Variants in NEGR1 observed in about 807,000 individuals in gnomAD.
NEGR1 encodes IgLON family member 4.
NEGR1 carries 10 observed loss-of-function variants against 40.9 expected under a neutral mutation model. The observed-to-expected ratio is 0.24, with a 90% CI of 0.15 to 0.42. The LOEUF (loss-of-function observed/expected upper bound fraction) is 0.42. Among genes scored for constraint, NEGR1 ranks in the 10% least tolerant of loss-of-function variants. The probability of loss-of-function intolerance (pLI) is 1.00; values close to 1 mark genes in which losing one functional copy is unlikely to be tolerated. For synonymous variants in NEGR1, 185 were observed against 166.8 expected, an observed-to-expected ratio of 1.11 and a Z score of -0.84; for missense variants, 352 against 438.9, an observed-to-expected ratio of 0.80 and a Z score of 1.77.
intron 1 of NEGR1, among the ~76,000 whole-genome samples, chr1:72,044,520 T>A (rs757012498): frequency 6.6e-6 from 1 of 151,486 alleles, no homozygotes; most frequent in Non-Finnish European, 1.5e-5. Context: ...AAATGCAGAG[T>A]TTCATATATA....
At chr1:71,643,626 C>T (rs1365606001) in intron 4 of NEGR1, among the ~76,000 whole-genome samples, 1 of 152,008 alleles carries the variant, frequency 6.6e-6, no homozygotes, top group Non-Finnish European at 1.5e-5. Context: ...TTAAAATTTT[C>T]ACCATTCCAA....
chr1:71,730,569 T>TTATATATATA (rs56382019), intron 3 of NEGR1, among the ~76,000 whole-genome samples: 6,092 of 134,474 alleles, frequency 0.045, 202 homozygotes, highest in East Asian at 0.099. Context: ...TAGTATAAAT[T>TTATATATATA]TATATATATA....
chr1:71,808,660 A>T (rs1431335277), intron 2 of NEGR1, among the ~76,000 whole-genome samples: 1 of 152,196 alleles, frequency 6.6e-6, no homozygotes, highest in East Asian at 1.9e-4. Flanking sequence ...CTAGTTCTGA[A>T]AGCAGTAACA....
At position 71,935,171 on chromosome 1, in the gene NEGR1, T is replaced by C; in HGVS notation, c.317A>G (p.Gln106Arg). ...GCCATCATCTGTCACATCTACATTC[T>C]GTATCTGGAGGCTGTAGTCCCTTTT... ...LNKRDYSLQI[Q>R]NVDVTDDGPY... The change falls in exon 2 of 7, where the codon CAG (glutamine) becomes CGG (arginine). Residue 106 changes from glutamine (Q) to arginine (R), a missense_variant. By Grantham distance (43) the Gln-to-Arg change is conservative. Coordinates refer to ENST00000357731, the MANE Select transcript of NEGR1 (RefSeq NM_173808.3). 2 of 1,613,886 alleles carry C rather than the reference T, an allele frequency of 1.2e-6. No homozygotes were observed. The highest frequency in any genetic ancestry group is 1.7e-6 in the Non-Finnish European group (2 of 1,179,812).
At position 71,881,847 on chromosome 1, in the gene NEGR1, A is replaced by G. The variant is rs566866527; in HGVS notation, c.409+53232T>C. 3.9e-5 allele frequency among the ~76,000 whole-genome samples: 6 copies of G among 152,198 alleles called. No homozygotes were observed. In the East Asian group the frequency reaches 1.2e-3, roughly 29 times the overall value. On this transcript the variant is annotated intron_variant, in intron 2 of 6. Coordinates refer to ENST00000357731, the MANE Select transcript of NEGR1 (RefSeq NM_173808.3). ...GCTTTTTGCTTGTGGTTTTAAGGGT[A>G]TGCACTTAATCTTGCTATTTCAGCT...
intron 6 of NEGR1, among the ~76,000 whole-genome samples, chr1:71,590,850 T>C (rs1218905735): frequency 1.3e-5 from 2 of 152,206 alleles, no homozygotes; most frequent in African/African-American, 4.8e-5. Context: ...TATTCATTAA[T>C]CCATCCATTC....
chr1:72,205,682 C>T (rs1653368588), intron 1 of NEGR1, among the ~76,000 whole-genome samples: 1 of 138,672 alleles, frequency 7.2e-6, no homozygotes, highest in Admixed American at 8.3e-5. Flanking sequence ...ACTGGGAGGC[C>T]GAGGAGTGTG....
chr1:72,124,258 T>C (rs12072387), intron 1 of NEGR1, among the ~76,000 whole-genome samples: 5,253 of 151,954 alleles, frequency 0.035, 325 homozygotes, highest in African/African-American at 0.12. Flanking sequence ...TATATTTAAG[T>C]AAATACAGTG....
At chr1:71,512,382 A>C (rs1326135306) in intron 6 of NEGR1, among the ~76,000 whole-genome samples, 2 of 152,190 alleles carry the variant, frequency 1.3e-5, no homozygotes, top group Admixed American at 6.5e-5. Context: ...AAGGAAAAAG[A>C]ATCTGTACTC....
intron 2 of NEGR1, among the ~76,000 whole-genome samples, chr1:71,874,638 T>C (rs1468041801): frequency 6.6e-6 from 1 of 152,158 alleles, no homozygotes; most frequent in African/African-American, 2.4e-5. Flanking sequence ...GCAGTTAGGA[T>C]GTGAATTTGC....
intron 6 of NEGR1, among the ~76,000 whole-genome samples, chr1:71,438,960 A>G (rs2101308964): frequency 6.6e-6 from 1 of 152,278 alleles, no homozygotes; most frequent in African/African-American, 2.4e-5. Flanking sequence ...TAGGTGTCTG[A>G]CTGAAGCATA....
Position 72,079,086 on chromosome 1 carries a change from A to AATATATATATATATATATATAT in NEGR1, c.177-143797_177-143776dup, listed in dbSNP as rs67575298. On this transcript the variant is annotated intron_variant, in intron 1 of 6. Transcript: ENST00000357731. ...ATATGTCAATGGTTACATTTAACAGAATATATATATATATATATATATATA... is the reference window on the plus strand; with the variant it reads ...ATATGTCAATGGTTACATTTAACAGAATATATATATATATATATATATATATATATATATATATATATATATA... Among the ~76,000 whole-genome samples the AATATATATATATATATATATAT allele has an allele frequency of 3.4e-3, 481 of 142,216 alleles. 2 individuals are homozygous for AATATATATATATATATATATAT. The highest frequency in any genetic ancestry group is 0.018 in the East Asian group (81 of 4,424). 93.3% of individuals were successfully genotyped at this position (142,216 alleles called of 152,430 possible).
rs1008368311 is a variant in NEGR1 at position 71,782,770 on chromosome 1, A to G, written c.410-6473T>C. Among the ~76,000 whole-genome samples, 5 of 152,314 alleles carry G rather than the reference A, an allele frequency of 3.3e-5. No individual in the cohort carries two copies. The South Asian group carries it at 8.3e-4, about 25-fold the overall frequency. ...CTGAGAATATGGTGAAAATGTAATT[A>G]TAATTTCAAGGGTCCTGTGTGACTT... On this transcript the variant is annotated intron_variant, in intron 2 of 6. Transcript: ENST00000357731.
In NEGR1 at chr1:72,005,311, A is replaced by T. The variant is rs578014622; in HGVS notation, c.177-70000T>A. On this transcript the variant is annotated intron_variant, in intron 1 of 6. Coordinates refer to ENST00000357731, the MANE Select transcript of NEGR1 (RefSeq NM_173808.3). ...CTACCATCAAGCCCAAATAAAAAAT[A>T]GTTTAACGCCACGCTATATATAAAC... Among the ~76,000 whole-genome samples the T allele has an allele frequency of 2.6e-5, 4 of 152,306 alleles. No homozygotes were observed. The East Asian group carries it at 7.7e-4, about 29-fold the overall frequency.
intron 6 of NEGR1, among the ~76,000 whole-genome samples, chr1:71,476,674 G>C (rs1242051286): frequency 6.6e-6 from 1 of 152,056 alleles, no homozygotes; most frequent in Non-Finnish European, 1.5e-5. Context: ...AAAGGCTGTG[G>C]ACACTGAGGT....
intron 4 of NEGR1, among the ~76,000 whole-genome samples, chr1:71,660,240 C>T (rs1370176875): frequency 1.3e-5 from 2 of 152,070 alleles, no homozygotes; most frequent in South Asian, 2.1e-4. Context: ...AAACCAAATA[C>T]CACATGTTCT....
intron 1 of NEGR1, among the ~76,000 whole-genome samples, chr1:72,209,373 A>C (rs1485664666): frequency 1.3e-5 from 2 of 151,696 alleles, no homozygotes; most frequent in African/African-American, 4.8e-5. Context: ...TTCTAATATC[A>C]GTGCCATTTT....
chr1:71,421,024 G>C (rs1266979022), intron 6 of NEGR1, among the ~76,000 whole-genome samples: 1 of 151,914 alleles, frequency 6.6e-6, no homozygotes, highest in Non-Finnish European at 1.5e-5. Context: ...TAATTTCCAA[G>C]ATCTATAGTT....
rs537472093 is a variant in NEGR1, at chr1:72,260,335, G to A, written c.176+21984C>T. 8.4e-4 allele frequency among the ~76,000 whole-genome samples: 127 copies of A among 152,084 alleles called. 1 individual carries two copies. The highest frequency in any genetic ancestry group is 2.6e-3 in the Admixed American group (40 of 15,282). On this transcript the variant is annotated intron_variant, in intron 1 of 6. Coordinates refer to ENST00000357731, the MANE Select transcript of NEGR1 (RefSeq NM_173808.3). ...ATTGATAAGCCCAATTTTTACAAAG[G>A]ATATTTCTGAACAGAAACTTTCTTC...
Sources: allele counts gnomAD v4.1 joint callset (sites outside exome capture counted in the v4.1 genomes callset), GRCh38; gene constraint gnomAD v4.1.1; transcripts MANE v1.5; gene names NCBI Gene and HGNC (gene_info 2026-07-23, HGNC 2026-07-21).